The following NEGR1 variants were observed in gnomAD, a reference collection of about 807,000 sequenced individuals.
NEGR1 encodes the protein neuronal growth regulator 1.
NEGR1 carries 10 observed loss-of-function variants against 40.9 expected under a neutral mutation model. The ratio of observed to expected loss-of-function variants is 0.24; its 90% confidence interval spans 0.15 to 0.42. NEGR1 has a LOEUF of 0.42. NEGR1 is among the 10% of genes least tolerant of loss of function. NEGR1 has a pLI of 1.00. For missense variants in NEGR1, 352 were observed against 438.9 expected (o/e 0.80, Z 1.77); for synonymous variants, 185 against 166.8 (o/e 1.11, Z -0.84).
chr1:71,591,373 C>A (rs1490932194), intron 6 of NEGR1, among the ~76,000 whole-genome samples: 1 of 152,092 alleles, frequency 6.6e-6, no homozygotes. Context: ...TTTTCACATT[C>A]ATTAATGTTT....
chr1:71,689,296 A>C (rs945581693), intron 4 of NEGR1, among the ~76,000 whole-genome samples: 2 of 152,192 alleles, frequency 1.3e-5, no homozygotes, highest in Non-Finnish European at 2.9e-5. Context: ...AGGTGAATTC[A>C]TGCAGTCTCT....
intron 1 of NEGR1, among the ~76,000 whole-genome samples, chr1:72,234,184 G>A (rs1415262678): frequency 6.6e-6 from 1 of 151,962 alleles, no homozygotes; most frequent in African/African-American, 2.4e-5. Flanking sequence ...TCCTCCATGC[G>A]TTCATGTATT....
intron 5 of NEGR1, among the ~76,000 whole-genome samples, chr1:71,604,448 A>T (rs781699447): frequency 6.6e-6 from 1 of 152,134 alleles, no homozygotes; most frequent in Non-Finnish European, 1.5e-5. Flanking sequence ...CCACCCTCCC[A>T]CAGTCCTGCA....
chr1:71,871,175 A>C (rs1291300497), intron 2 of NEGR1, among the ~76,000 whole-genome samples: 1 of 152,180 alleles, frequency 6.6e-6, no homozygotes, highest in African/African-American at 2.4e-5. Context: ...GGGAGTGCAG[A>C]ATATATCTTG....
chr1:71,967,464 A>T (rs867738230), intron 1 of NEGR1, among the ~76,000 whole-genome samples: 8 of 152,320 alleles, frequency 5.3e-5, no homozygotes, highest in South Asian at 4.1e-4. Flanking sequence ...ATAAGCTTGA[A>T]TTTTAAAGAA....
At chr1:71,872,381 T>C (rs560458421) in intron 2 of NEGR1, among the ~76,000 whole-genome samples, 3 of 152,184 alleles carry the variant, frequency 2.0e-5, no homozygotes, top group Non-Finnish European at 4.4e-5. Context: ...GTTGTAGACG[T>C]TAACTCTGTT....
At chr1:71,521,180 T>A (rs1429282319) in intron 6 of NEGR1, among the ~76,000 whole-genome samples, 1 of 152,052 alleles carries the variant, frequency 6.6e-6, no homozygotes, top group African/African-American at 2.4e-5. Context: ...AATGTAGATA[T>A]TTCAAGTACA....
chr1:71,756,017 T>TC (rs1655721017), intron 3 of NEGR1, among the ~76,000 whole-genome samples: 1 of 152,196 alleles, frequency 6.6e-6, no homozygotes, highest in South Asian at 2.1e-4. Flanking sequence ...GCCTCAAATG[T>TC]ATTTGTCATA....
chr1:71,507,588 A>ATT (rs1647044102), intron 6 of NEGR1, among the ~76,000 whole-genome samples: 1 of 152,164 alleles, frequency 6.6e-6, no homozygotes, highest in Admixed American at 6.5e-5. Flanking sequence ...ATTTCAAAGC[A>ATT]TTCAAGTAAA....
chr1:71,561,378 G>A (rs957784194), intron 6 of NEGR1, among the ~76,000 whole-genome samples: 5 of 151,550 alleles, frequency 3.3e-5, no homozygotes, highest in East Asian at 1.9e-4. Flanking sequence ...AATTTCCGCA[G>A]TTTGGATGAT....
At chr1:71,879,200 T>A (rs1041209074) in intron 2 of NEGR1, among the ~76,000 whole-genome samples, 2 of 151,498 alleles carry the variant, frequency 1.3e-5, no homozygotes, top group East Asian at 1.9e-4. Flanking sequence ...TCAAAAAAAA[T>A]TATACAAATG....
At chr1:71,528,593 T>C (rs1647270658) in intron 6 of NEGR1, among the ~76,000 whole-genome samples, 1 of 151,320 alleles carries the variant, frequency 6.6e-6, no homozygotes, top group Non-Finnish European at 1.5e-5. Flanking sequence ...ATGAATCAGA[T>C]AGCATTTATT....
chr1:71,865,621 G>A (rs1660089566), intron 2 of NEGR1, among the ~76,000 whole-genome samples: 1 of 152,198 alleles, frequency 6.6e-6, no homozygotes, highest in Middle Eastern at 3.4e-3. Context: ...GACTAGGGGA[G>A]GGATAGCATT....
intron 6 of NEGR1, among the ~76,000 whole-genome samples, chr1:71,525,078 G>C (rs1647200340): frequency 6.6e-6 from 1 of 151,706 alleles, no homozygotes; most frequent in South Asian, 2.1e-4. Context: ...CCATATTTGT[G>C]ATAATTTATT....
intron 6 of NEGR1, among the ~76,000 whole-genome samples, chr1:71,567,223 A>T (rs577980042): frequency 5.9e-5 from 9 of 152,232 alleles, no homozygotes; most frequent in East Asian, 1.9e-4. Context: ...TTTTACCTCT[A>T]TTTCCATCAT....
chr1:72,026,110 C>CAAAAAA (rs1172589239), intron 1 of NEGR1, among the ~76,000 whole-genome samples: 414 of 31,150 alleles, frequency 0.013, 33 homozygotes, highest in Non-Finnish European at 0.015. Context: ...GACTCCGTCT[C>CAAAAAA]AAAAAAAAAA....
chr1:72,028,368 T>A (rs891867229), intron 1 of NEGR1, among the ~76,000 whole-genome samples: 9 of 152,188 alleles, frequency 5.9e-5, no homozygotes, highest in Non-Finnish European at 1.3e-4. Flanking sequence ...TGAAAGGCTT[T>A]CACACAAAAC....
chr1:71,841,821 G>A (rs947818359), intron 2 of NEGR1, among the ~76,000 whole-genome samples: 61 of 152,082 alleles, frequency 4.0e-4, no homozygotes, highest in Non-Finnish European at 8.5e-4. Context: ...TCTTCCCATA[G>A]ATTACCTGGT....
intron 1 of NEGR1, among the ~76,000 whole-genome samples, chr1:71,990,167 A>G (rs6666863): frequency 0.52 from 79,581 of 151,992 alleles, 21,792 homozygotes; most frequent in African/African-American, 0.67. Flanking sequence ...ATGTGCAATA[A>G]TTTGATCTAC....
Sources: allele counts gnomAD v4.1 joint callset (sites outside exome capture counted in the v4.1 genomes callset), GRCh38; gene constraint gnomAD v4.1.1; transcripts MANE v1.5; gene names NCBI Gene and HGNC (gene_info 2026-07-23, HGNC 2026-07-21).